DHRSX: variants seen among roughly 807,000 people sequenced by gnomAD.
The protein encoded by DHRSX is polyprenol dehydrogenase.
DHRSX carries 31 observed loss-of-function variants against 34.0 expected under a neutral mutation model. The ratio of observed to expected loss-of-function variants is 0.91; its 90% CI spans 0.69 to 1.23. The LOEUF (loss-of-function observed/expected upper bound fraction) is 1.23, where lower values mean the gene tolerates loss of function less well. DHRSX is among the 50% of genes most tolerant of loss of function. The probability of loss-of-function intolerance (pLI) is 0.00; values close to 1 mark genes in which losing one functional copy is unlikely to be tolerated. For missense variants in DHRSX, 414 were observed against 428.1 expected, an observed-to-expected ratio of 0.97 and a Z score of 0.29; for synonymous variants, 201 against 183.8, an observed-to-expected ratio of 1.09 and a Z score of -0.76.
chrX:2,460,780 A>T (rs1358411537), intron 1 of DHRSX, among the ~76,000 whole-genome samples: 1 of 152,236 alleles, frequency 6.6e-6, no homozygotes, highest in African/African-American at 2.4e-5. Context: ...ACAAGGTCTC[A>T]TTATGTTGAC....
At chrX:2,416,559 T>C (rs2043695953) in intron 2 of DHRSX, among the ~76,000 whole-genome samples, 1 of 152,190 alleles carries the variant, frequency 6.6e-6, no homozygotes, top group South Asian at 2.1e-4. Flanking sequence ...TATGGGTGGT[T>C]ACTCACTACT....
At chrX:2,385,080 C>A (rs1034929282) in intron 3 of DHRSX, among the ~76,000 whole-genome samples, 6 of 149,328 alleles carry the variant, frequency 4.0e-5, no homozygotes, top group Non-Finnish European at 7.4e-5. Flanking sequence ...TCCAGCCTGG[C>A]GACAGAGTGA....
chrX:2,403,040 G>A (rs1317495884), intron 3 of DHRSX, among the ~76,000 whole-genome samples: 19 of 151,948 alleles, frequency 1.3e-4, no homozygotes, highest in Admixed American at 6.6e-4. Context: ...GCACCACCAC[G>A]CCCGGCTAAT....
chrX:2,333,094 T>C (rs1403204545), intron 3 of DHRSX, among the ~76,000 whole-genome samples: 2 of 152,210 alleles, frequency 1.3e-5, no homozygotes, highest in African/African-American at 4.8e-5. Flanking sequence ...CCCTGTAAAA[T>C]GGACACAATA....
At chrX:2,260,354 G>A (rs2041346523) in intron 5 of DHRSX, among the ~76,000 whole-genome samples, 1 of 151,990 alleles carries the variant, frequency 6.6e-6, no homozygotes, top group Non-Finnish European at 1.5e-5. Context: ...GCTCCTGGGG[G>A]CTCCAGGCAT....
intron 1 of DHRSX, among the ~76,000 whole-genome samples, chrX:2,435,305 A>G (rs906920855): frequency 6.6e-6 from 1 of 152,176 alleles, no homozygotes; most frequent in African/African-American, 2.4e-5. Context: ...CATAAGATCA[A>G]TGCATTATTG....
At chrX:2,286,879 T>C (rs2041810770) in intron 4 of DHRSX, among the ~76,000 whole-genome samples, 6 of 152,292 alleles carry the variant, frequency 3.9e-5, no homozygotes, top group African/African-American at 1.4e-4. Flanking sequence ...TTTCAAGCCA[T>C]CATCTTGTAA....
chrX:2,408,926 C>T (rs775194627), intron 2 of DHRSX, 113 bp from the exon 3 acceptor site: 3 of 905,512 alleles, frequency 3.3e-6, no homozygotes, highest in Non-Finnish European at 3.4e-6. Context: ...CTGAAATGTG[C>T]CTTTGATGGA....
At chrX:2,415,996 C>T (rs991435410) in intron 2 of DHRSX, among the ~76,000 whole-genome samples, 20 of 151,828 alleles carry the variant, frequency 1.3e-4, no homozygotes, top group African/African-American at 4.8e-4. Context: ...TCATCATAAC[C>T]TAACCCAACT....
At chrX:2,444,195 T>C (rs2044098911) in intron 1 of DHRSX, among the ~76,000 whole-genome samples, 1 of 152,190 alleles carries the variant, frequency 6.6e-6, no homozygotes, top group South Asian at 2.1e-4. Context: ...ATTTCATTGA[T>C]ACATGTTTCT....
chrX:2,464,733 G>C (rs1388938535), intron 1 of DHRSX, among the ~76,000 whole-genome samples: 1 of 151,636 alleles, frequency 6.6e-6, no homozygotes, highest in African/African-American at 2.4e-5. Context: ...ATGTGGCCAA[G>C]GGACCGCCAC....
At chrX:2,231,952 C>CT (rs1556425098) in intron 6 of DHRSX, among the ~76,000 whole-genome samples, 2 of 148,202 alleles carry the variant, frequency 1.3e-5, no homozygotes, top group African/African-American at 5.0e-5. Context: ...TCTCCTCCTT[C>CT]TCTTTTCTTT....
intron 3 of DHRSX, among the ~76,000 whole-genome samples, chrX:2,343,180 C>T (rs2042661363): frequency 6.6e-6 from 1 of 152,162 alleles, no homozygotes; most frequent in Non-Finnish European, 1.5e-5. Context: ...TACAAACATT[C>T]TGAACCTATG....
At chrX:2,312,808 C>A (rs2042179262) in intron 3 of DHRSX, among the ~76,000 whole-genome samples, 1 of 152,066 alleles carries the variant, frequency 6.6e-6, no homozygotes, top group Non-Finnish European at 1.5e-5. Flanking sequence ...GAACTCTGAT[C>A]CCTGTTCCTT....
At position 2,243,058 on chromosome X, in the gene DHRSX, G is replaced by C. The variant is rs781555723; in HGVS notation, c.769C>G (p.Leu257Val). ...VYKHVFWATRLAKKLLGWLLF... is the reference protein window; with the variant it reads ...VYKHVFWATRVAKKLLGWLLF... ...AACCAGCCGAGAAGCTTCTTCGCCA[G>C]ACGGGTGGCCCAGAACACGTGCTTG... The change falls in exon 6 of 7, where the codon CTG becomes GTG. Residue 257 changes from leucine to valine, a missense_variant. Physicochemically the swap from Leu to Val is conservative, Grantham distance 32. Transcript: ENST00000334651. 6.2e-7 allele frequency: 1 copy of C among 1,613,692 alleles called. No homozygotes were observed. The highest frequency in any genetic ancestry group is 1.3e-5 in the African/African-American group (1 of 74,884).
At chrX:2,446,310 AG>A (rs1245812685) in intron 1 of DHRSX, among the ~76,000 whole-genome samples, 1 of 151,224 alleles carries the variant, frequency 6.6e-6, no homozygotes, top group Non-Finnish European at 1.5e-5. Context: ...GCCGCTGTGT[AG>A]GCACTGAAGA....
intron 3 of DHRSX, among the ~76,000 whole-genome samples, chrX:2,326,846 T>G (rs1190105592): frequency 6.6e-6 from 1 of 151,728 alleles, no homozygotes; most frequent in Non-Finnish European, 1.5e-5. Flanking sequence ...ATTTTCACTC[T>G]TGTTGCCCAA....
intron 1 of DHRSX, among the ~76,000 whole-genome samples, chrX:2,455,878 C>T (rs2044290075): frequency 6.6e-6 from 1 of 151,782 alleles, no homozygotes; most frequent in South Asian, 2.1e-4. Context: ...TTTCCAGAGG[C>T]AGGACTTCAC....
Position 2,473,355 on chromosome X carries a change from G to A in DHRSX, c.109+27462C>T, listed in dbSNP as rs189465875. 3.1e-3 allele frequency among the ~76,000 whole-genome samples: 474 copies of A among 152,244 alleles called. 8 individuals carry two copies. Among genetic ancestry groups the A allele is most frequent in the African/African-American group, 0.01 (419 of 41,514 alleles). On this transcript the variant is annotated intron_variant, in intron 1 of 6. Coordinates refer to ENST00000334651, the MANE Select transcript of DHRSX (RefSeq NM_145177.3). ...AATGAAAGGCGCCGCCAGGCGCGGG[G>A]GCTCACGCCTGTCATCCTAACATTT... is the stretch of plus-strand genomic sequence containing the variant.
Sources: allele counts gnomAD v4.1 joint callset (sites outside exome capture counted in the v4.1 genomes callset), GRCh38; gene constraint gnomAD v4.1.1; transcripts MANE v1.5; gene names NCBI Gene and HGNC (gene_info 2026-07-23, HGNC 2026-07-21).